The following PTPRD variants were observed in gnomAD, a reference collection of about 807,000 sequenced individuals.
The protein encoded by PTPRD is receptor-type tyrosine-protein phosphatase delta.
PTPRD carries 34 observed loss-of-function variants against 214.5 expected under a neutral mutation model. That is an observed-to-expected ratio of 0.16 (90% CI 0.12 to 0.21). The LOEUF (loss-of-function observed/expected upper bound fraction) is 0.21, where lower values mean the gene tolerates loss of function less well. PTPRD is among the 10% of genes least tolerant of loss of function. PTPRD has a pLI of 1.00. For missense variants in PTPRD, 2,545 were observed against 2,398.7 expected (o/e 1.06, Z -1.27); for synonymous variants, 1,128 against 845.7 (o/e 1.33, Z -5.79).
At chr9:8,452,306 A>G (rs1654712771) in intron 33 of PTPRD, among the ~76,000 whole-genome samples, 1 of 152,210 alleles carries the variant, frequency 6.6e-6, no homozygotes, top group South Asian at 2.1e-4. Context: ...TTATTTTTAA[A>G]CACTTATTAT....
chr9:10,018,587 G>A (rs1447339341), intron 4 of PTPRD, among the ~76,000 whole-genome samples: 152 of 101,366 alleles, frequency 1.5e-3, no homozygotes, highest in Middle Eastern at 0.013. Context: ...TCGCTCTGTC[G>A]CCCAGGCTGG....
intron 9 of PTPRD, among the ~76,000 whole-genome samples, chr9:9,223,868 C>T (rs2099957734): frequency 6.6e-6 from 1 of 151,874 alleles, no homozygotes; most frequent in African/African-American, 2.4e-5. Flanking sequence ...ATTTTTATTC[C>T]CTAAATGTCC....
chr9:9,363,256 G>A (rs1341593127), intron 9 of PTPRD, among the ~76,000 whole-genome samples: 2 of 150,686 alleles, frequency 1.3e-5, no homozygotes, highest in African/African-American at 2.4e-5. Flanking sequence ...ACCCCAAAAG[G>A]CATCTAAAAT....
chr9:8,879,356 C>T (rs2098422495), intron 11 of PTPRD, among the ~76,000 whole-genome samples: 1 of 152,090 alleles, frequency 6.6e-6, no homozygotes, highest in African/African-American at 2.4e-5. Context: ...GTGATTGGGC[C>T]CAATAGGCTT....
chr9:10,536,072 G>A (rs1404318216), intron 2 of PTPRD, among the ~76,000 whole-genome samples: 13 of 152,056 alleles, frequency 8.5e-5, no homozygotes, highest in Non-Finnish European at 1.8e-4. Flanking sequence ...GTGAGTGAGC[G>A]GGTGTCGTGC....
At chr9:8,735,136 TTGTTTTTTTTTTTC>T (rs1244314762) in intron 11 of PTPRD, among the ~76,000 whole-genome samples, 2 of 146,646 alleles carry the variant, frequency 1.4e-5, no homozygotes, top group Admixed American at 6.9e-5. Flanking sequence ...TGGTTTTTTT[TTGTTTTTTTTTTTC>T]TGTTTTTTTT....
intron 3 of PTPRD, among the ~76,000 whole-genome samples, chr9:10,321,052 G>C (rs890757888): frequency 1.4e-4 from 21 of 152,124 alleles, no homozygotes; most frequent in African/African-American, 4.8e-4. Flanking sequence ...AATGTGTGTA[G>C]AGTATTGGCT....
At chr9:10,423,140 T>G (rs1482744886) in intron 2 of PTPRD, among the ~76,000 whole-genome samples, 1 of 152,010 alleles carries the variant, frequency 6.6e-6, no homozygotes, top group Non-Finnish European at 1.5e-5. Flanking sequence ...AAAGGATGAA[T>G]TCATGTCCTT....
intron 11 of PTPRD, among the ~76,000 whole-genome samples, chr9:8,780,863 T>C (rs1288167764): frequency 6.6e-6 from 1 of 152,214 alleles, no homozygotes; most frequent in Non-Finnish European, 1.5e-5. Flanking sequence ...GTGTATCAAT[T>C]GTGGAGGTAC....
intron 7 of PTPRD, among the ~76,000 whole-genome samples, chr9:9,598,979 C>A (rs138643523): frequency 6.6e-6 from 1 of 151,874 alleles, no homozygotes; most frequent in East Asian, 1.9e-4. Flanking sequence ...TGTACTCTTT[C>A]GAACTAATAC....
intron 3 of PTPRD, among the ~76,000 whole-genome samples, chr9:10,336,645 G>C (rs1445285936): frequency 6.6e-6 from 1 of 151,468 alleles, no homozygotes; most frequent in African/African-American, 2.4e-5. Context: ...ATTTATGTCT[G>C]TCCTAGATGG....
intron 7 of PTPRD, among the ~76,000 whole-genome samples, chr9:9,703,958 C>G (rs559620741): frequency 6.6e-6 from 1 of 152,292 alleles, no homozygotes; most frequent in African/African-American, 2.4e-5. Context: ...AACCACCACT[C>G]ACTGCAGCCC....
chr9:10,564,171 C>CTTTTTTTT (rs71332760), intron 2 of PTPRD, among the ~76,000 whole-genome samples: 630 of 29,390 alleles, frequency 0.021, 189 homozygotes, highest in South Asian at 0.04. Flanking sequence ...CTAGGCTATT[C>CTTTTTTTT]TTTTTTTTTT....
chr9:10,001,894 C>T (rs567934122), intron 4 of PTPRD, among the ~76,000 whole-genome samples: 2 of 151,988 alleles, frequency 1.3e-5, no homozygotes, highest in South Asian at 4.1e-4. Flanking sequence ...GGGAAATATA[C>T]AAGATAATGT....
At chr9:10,054,711 T>C (rs1017761258) in intron 3 of PTPRD, among the ~76,000 whole-genome samples, 1 of 152,142 alleles carries the variant, frequency 6.6e-6, no homozygotes, top group Non-Finnish European at 1.5e-5. Context: ...CTAATCACAC[T>C]GACCAGGCTT....
chr9:9,153,917 TTA>T (rs2099879003), intron 10 of PTPRD, among the ~76,000 whole-genome samples: 1 of 152,156 alleles, frequency 6.6e-6, no homozygotes, highest in Non-Finnish European at 1.5e-5. Context: ...GCAGATGGTG[TTA>T]TTGTTCTGCA....
At chr9:8,959,016 T>A (rs1397472746) in intron 11 of PTPRD, among the ~76,000 whole-genome samples, 1 of 152,008 alleles carries the variant, frequency 6.6e-6, no homozygotes, top group African/African-American at 2.4e-5. Flanking sequence ...CTGAGACAGG[T>A]CCTCGAGGAA....
intron 2 of PTPRD, among the ~76,000 whole-genome samples, chr9:10,492,102 C>T (rs1161515247): frequency 6.6e-6 from 1 of 152,140 alleles, no homozygotes; most frequent in Non-Finnish European, 1.5e-5. Context: ...TTGTCTTTAT[C>T]CAGTCTATCA....
intron 2 of PTPRD, among the ~76,000 whole-genome samples, chr9:10,545,419 A>G (rs1266338416): frequency 2.0e-5 from 3 of 152,172 alleles, no homozygotes; most frequent in Non-Finnish European, 4.4e-5. Flanking sequence ...GGCTATTTAC[A>G]CTATACACAC....
Sources: allele counts gnomAD v4.1 joint callset (sites outside exome capture counted in the v4.1 genomes callset), GRCh38; gene constraint gnomAD v4.1.1; transcripts MANE v1.5; gene names NCBI Gene and HGNC (gene_info 2026-07-23, HGNC 2026-07-21).